Variants in SHCBP1L observed in about 807,000 individuals in gnomAD.
SHCBP1L encodes the protein SHC binding and spindle associated 1 like, also known as testicular spindle-associated protein SHCBP1L.
Under a neutral mutation model 62.5 loss-of-function variants are expected in SHCBP1L, and 67 were observed. The observed-to-expected ratio is 1.07, with a 90% CI of 0.88 to 1.31. SHCBP1L has a LOEUF of 1.31. SHCBP1L is among the 40% of genes most tolerant of loss of function. SHCBP1L has a pLI of 0.00. For missense variants in SHCBP1L, 823 were observed against 809.8 expected (o/e 1.02, Z -0.20); for synonymous variants, 284 against 289.4 (o/e 0.98, Z 0.19).
At chr1:182,944,957 C>CTTTTTTTTTT (rs11309339) in intron 2 of SHCBP1L, among the ~76,000 whole-genome samples, 14 of 109,070 alleles carry the variant, frequency 1.3e-4, no homozygotes, top group African/African-American at 3.5e-4. Flanking sequence ...TTCTTTCTTT[C>CTTTTTTTTTT]TTTTTTTTTT....
intron 6 of SHCBP1L, among the ~76,000 whole-genome samples, chr1:182,906,124 C>T (rs1161839029): frequency 2.0e-5 from 3 of 151,886 alleles, no homozygotes; most frequent in Admixed American, 1.3e-4. Context: ...TTAGTAGAGA[C>T]GGGGTTTCTC....
chr1:182,903,271 T>C (rs1329279979), intron 8 of SHCBP1L, 110 bp from the exon 9 acceptor site: 6 of 926,730 alleles, frequency 6.5e-6, no homozygotes, highest in African/African-American at 5.1e-5. Context: ...AAACATTGAG[T>C]TACGTGCAAA....
intron 6 of SHCBP1L, among the ~76,000 whole-genome samples, chr1:182,926,816 T>C (rs1650765526): frequency 6.6e-6 from 1 of 151,990 alleles, no homozygotes; most frequent in African/African-American, 2.4e-5. Context: ...TGGTAAACAT[T>C]TATTGAGCAT....
chr1:182,924,170 A>G (rs1037521158), intron 6 of SHCBP1L, among the ~76,000 whole-genome samples: 5 of 152,212 alleles, frequency 3.3e-5, no homozygotes, highest in Admixed American at 2.6e-4. Flanking sequence ...ACCTAGGAAT[A>G]CAGCTAACGA....
chr1:182,907,381 G>A (rs972005642), intron 6 of SHCBP1L, among the ~76,000 whole-genome samples: 12 of 149,674 alleles, frequency 8.0e-5, no homozygotes, highest in South Asian at 2.1e-4. Flanking sequence ...TGCAGTAAGC[G>A]GAGATGGTGC....
At chr1:182,945,354 A>T (rs1651527710) in intron 2 of SHCBP1L, among the ~76,000 whole-genome samples, 1 of 152,176 alleles carries the variant, frequency 6.6e-6, no homozygotes, top group African/African-American at 2.4e-5. Context: ...AAGCCAATAG[A>T]TTGTGTTTGA....
chr1:182,944,164 G>A (rs954925838), intron 2 of SHCBP1L, among the ~76,000 whole-genome samples: 69 of 71,384 alleles, frequency 9.7e-4, no homozygotes, highest in African/African-American at 5.2e-3. Flanking sequence ...AAAAGAGGCC[G>A]GGAGGCCGAG....
At chr1:182,917,242 C>G (rs1344766137) in intron 6 of SHCBP1L, among the ~76,000 whole-genome samples, 1 of 152,018 alleles carries the variant, frequency 6.6e-6, no homozygotes, top group Non-Finnish European at 1.5e-5. Flanking sequence ...CTGAACTCAA[C>G]AACATATTTA....
intron 5 of SHCBP1L, among the ~76,000 whole-genome samples, chr1:182,932,881 A>G (rs932858571): frequency 6.6e-6 from 1 of 151,926 alleles, no homozygotes; most frequent in Admixed American, 6.6e-5. Context: ...AGATCCATCC[A>G]TGTTATTGTT....
At chr1:182,940,654 ACTT>A in intron 2 of SHCBP1L, 111 bp from the exon 3 acceptor site, 1 of 790,446 alleles carries the variant, frequency 1.3e-6, no homozygotes, top group Non-Finnish European at 1.9e-6. Context: ...TAAATTTATG[ACTT>A]CTTCAACAAT....
chr1:182,904,253 C>T lies in SHCBP1L; in HGVS notation c.1514G>A (p.Cys505Tyr), dbSNP rs372726761. Residue 505 changes from cysteine to tyrosine, a missense_variant, in exon 8 of 10, where the codon TGT becomes TAT. Cys to Tyr is a radical substitution (Grantham distance 194). Transcript: ENST00000367547. ...AAGAACACACACTCCTGTTCCTTCA[C>T]ATTTTAATATGCAGTTTTCTAGAGT... Reference protein sequence around the residue: ...HMTLENCILKCEGTGVCVLTG... With the variant: ...HMTLENCILKYEGTGVCVLTG... The T allele has an allele frequency of 5.7e-5, 92 of 1,614,180 alleles. 1 individual carries two copies. The East Asian group carries it at 1.4e-3, about 25-fold the overall frequency.
chr1:182,902,061 C>CTTTTTTTTTTTTTTTTTTTTTTT (rs1156301250), intron 9 of SHCBP1L, among the ~76,000 whole-genome samples: 4 of 127,576 alleles, frequency 3.1e-5, no homozygotes, highest in Admixed American at 8.0e-5. Flanking sequence ...CTTTTTTTTT[C>CTTTTTTTTTTTTTTTTTTTTTTT]TTTTTTTTTT....
chr1:182,910,130 G>A (rs1650133198), intron 6 of SHCBP1L, among the ~76,000 whole-genome samples: 1 of 152,194 alleles, frequency 6.6e-6, no homozygotes, highest in Non-Finnish European at 1.5e-5. Flanking sequence ...CAGAAATGGT[G>A]AAGTAATGGC....
At chr1:182,950,749 G>C (rs1651717806) in intron 2 of SHCBP1L, 1 of 152,162 alleles carries the variant, frequency 6.6e-6, no homozygotes, top group East Asian at 1.9e-4. Flanking sequence ...ATACTAGAAG[G>C]GTACTTTTTT....
At chr1:182,924,770 A>AAG (rs1453948287) in intron 6 of SHCBP1L, among the ~76,000 whole-genome samples, 8 of 110,628 alleles carry the variant, frequency 7.2e-5, no homozygotes, top group African/African-American at 3.8e-4. Flanking sequence ...GAAAGAAAGA[A>AAG]AGAAAGAAAG....
At chr1:182,915,195 A>G (rs1442224394) in intron 6 of SHCBP1L, among the ~76,000 whole-genome samples, 2 of 130,550 alleles carry the variant, frequency 1.5e-5, no homozygotes, top group Admixed American at 7.9e-5. Context: ...AAAAAAAAAA[A>G]GAATCTCACT....
intron 5 of SHCBP1L, among the ~76,000 whole-genome samples, chr1:182,934,696 T>C (rs1235548302): frequency 1.3e-5 from 2 of 152,152 alleles, no homozygotes; most frequent in Admixed American, 1.3e-4. Flanking sequence ...GTCCAACTTA[T>C]GACTTTTTTC....
chr1:182,949,782 T>A (rs1651687181), intron 2 of SHCBP1L, among the ~76,000 whole-genome samples: 1 of 151,714 alleles, frequency 6.6e-6, no homozygotes, highest in African/African-American at 2.4e-5. Context: ...ATCCCAATAA[T>A]CTTTTACATT....
intron 9 of SHCBP1L, among the ~76,000 whole-genome samples, chr1:182,901,933 A>C (rs1488546728): frequency 6.6e-6 from 1 of 152,234 alleles, no homozygotes; most frequent in Non-Finnish European, 1.5e-5. Flanking sequence ...GATGCATGCT[A>C]ACATTCAAGG....
Sources: gnomAD v4.1 joint callset for allele counts (sites outside exome capture counted in the v4.1 genomes callset) on GRCh38, gnomAD v4.1.1 for gene constraint, MANE v1.5 for transcripts, NCBI Gene and HGNC (gene_info 2026-07-23, HGNC 2026-07-21) for gene names.